Variants in NLGN1 observed in about 807,000 individuals in gnomAD.
NLGN1 encodes the protein neuroligin 1, also known as neuroligin-1.
A neutral mutation model predicts 65.5 loss-of-function variants in NLGN1; 12 were observed. That is an observed-to-expected ratio of 0.18 (90% CI 0.12 to 0.30). The LOEUF (loss-of-function observed/expected upper bound fraction) is 0.30. NLGN1 is among the 10% of genes least tolerant of loss of function. The probability of loss-of-function intolerance (pLI) is 1.00; values close to 1 mark genes in which losing one functional copy is unlikely to be tolerated. For synonymous variants in NLGN1, 350 were observed against 359.5 expected (o/e 0.97, Z 0.30); for missense variants, 750 against 1,007.1 (o/e 0.74, Z 3.46).
At chr3:173,928,081 A>G (rs1743347328) in intron 4 of NLGN1, among the ~76,000 whole-genome samples, 1 of 152,204 alleles carries the variant, frequency 6.6e-6, no homozygotes, top group African/African-American at 2.4e-5. Context: ...ACCATGACCA[A>G]AAAGAGTTAT....
At chr3:173,539,657 G>GTATATATGCACATATATAACATACATATA (rs1362050556) in intron 2 of NLGN1, among the ~76,000 whole-genome samples, 3 of 124,272 alleles carry the variant, frequency 2.4e-5, no homozygotes, top group Admixed American at 8.4e-5. Context: ...TATAACATAT[G>GTATATATGCACATATATAACATACATATA]TGTATATATG....
At chr3:174,257,771 A>T (rs1746068726) in intron 4 of NLGN1, among the ~76,000 whole-genome samples, 1 of 151,418 alleles carries the variant, frequency 6.6e-6, no homozygotes, top group Admixed American at 6.6e-5. Context: ...AATTACTAGA[A>T]TTTTTAAATA....
chr3:173,556,693 T>A (rs1207918580), intron 2 of NLGN1, among the ~76,000 whole-genome samples: 2 of 151,944 alleles, frequency 1.3e-5, no homozygotes, highest in Non-Finnish European at 2.9e-5. Context: ...TAGTCCTAGC[T>A]ACTAGGGAGG....
chr3:173,444,867 C>T (rs761049460), intron 2 of NLGN1, among the ~76,000 whole-genome samples: 8 of 151,988 alleles, frequency 5.3e-5, no homozygotes, highest in Non-Finnish European at 1.2e-4. Context: ...TACTCACACA[C>T]ATATATTACA....
intron 2 of NLGN1, among the ~76,000 whole-genome samples, chr3:173,562,148 G>T (rs897781585): frequency 1.3e-5 from 2 of 152,222 alleles, no homozygotes; most frequent in African/African-American, 4.8e-5. Flanking sequence ...AAGGCAGCAC[G>T]TTTGACCAGA....
At chr3:173,445,189 A>C (rs2148815333) in intron 2 of NLGN1, among the ~76,000 whole-genome samples, 1 of 142,440 alleles carries the variant, frequency 7.0e-6, no homozygotes, top group South Asian at 2.3e-4. Context: ...AATGGCGTGA[A>C]CCCGGGAGGC....
In NLGN1 at chr3:174,134,534, G is replaced by A. The variant is rs114587743; in HGVS notation, c.647-140781G>A. Among the ~76,000 whole-genome samples, 405 of 152,206 alleles carry A rather than the reference G, an allele frequency of 2.7e-3. 3 individuals carry two copies. Among genetic ancestry groups the A allele is most frequent in the African/African-American group, 9.4e-3 (390 of 41,534 alleles). On this transcript the variant is annotated intron_variant, in intron 4 of 6. Transcript: ENST00000457714. ...GAATGAGATATACTGTCCCCTTCCA[G>A]ACTTTATACTGAAGGACTAAGAAAC... is the stretch of plus-strand genomic sequence containing the variant.
intron 4 of NLGN1, among the ~76,000 whole-genome samples, chr3:174,197,854 A>G (rs1733765159): frequency 6.6e-6 from 1 of 152,014 alleles, no homozygotes; most frequent in East Asian, 1.9e-4. Flanking sequence ...TTATAACAGT[A>G]ACACATATTT....
intron 4 of NLGN1, among the ~76,000 whole-genome samples, chr3:174,100,810 A>G (rs1374560172): frequency 6.6e-6 from 1 of 151,422 alleles, no homozygotes; most frequent in Non-Finnish European, 1.5e-5. Flanking sequence ...TAAAGTGACC[A>G]TTTTTTTTCT....
chr3:173,917,613 T>C (rs533704042), intron 4 of NLGN1, among the ~76,000 whole-genome samples: 5 of 152,296 alleles, frequency 3.3e-5, no homozygotes, highest in African/African-American at 1.2e-4. Context: ...TTCTAAGCCC[T>C]GACCTAGAAT....
At chr3:174,024,154 A>C (rs1382406009) in intron 4 of NLGN1, among the ~76,000 whole-genome samples, 5 of 151,640 alleles carry the variant, frequency 3.3e-5, no homozygotes, top group South Asian at 4.2e-4. Flanking sequence ...AAAAAAAAAA[A>C]AAAAAAAAAA....
At chr3:173,410,057 T>A (rs531209135) in intron 1 of NLGN1, among the ~76,000 whole-genome samples, 1 of 152,286 alleles carries the variant, frequency 6.6e-6, no homozygotes, top group African/African-American at 2.4e-5. Flanking sequence ...GCTTAATAGG[T>A]GGTACTGCTG....
intron 2 of NLGN1, among the ~76,000 whole-genome samples, chr3:173,520,704 A>G (rs1158052222): frequency 6.6e-6 from 1 of 152,226 alleles, no homozygotes; most frequent in African/African-American, 2.4e-5. Flanking sequence ...GAGACTAAAA[A>G]CTTAGTTTTT....
Position 173,853,861 on chromosome 3 carries a change from G to T in NLGN1, c.646+46029G>T, listed in dbSNP as rs146098882. Among the ~76,000 whole-genome samples the T allele has an allele frequency of 3.1e-3, 467 of 151,792 alleles. 3 individuals carry two copies. Among genetic ancestry groups the T allele is most frequent in the Middle Eastern group, 6.8e-3 (2 of 292 alleles). On this transcript the variant is annotated intron_variant, in intron 4 of 6. Transcript: ENST00000457714. ...CAGTAATAAAAACAGTATCTTTTTT[G>T]AGTTAAAATTAAAATTAATATGATT...
intron 3 of NLGN1, among the ~76,000 whole-genome samples, chr3:173,656,322 A>G (rs1290925530): frequency 2.0e-5 from 3 of 152,150 alleles, no homozygotes; most frequent in Non-Finnish European, 4.4e-5. Context: ...TAAGTTAATT[A>G]GAGCTCATAA....
At chr3:173,467,774 T>G (rs183287236) in intron 2 of NLGN1, among the ~76,000 whole-genome samples, 1 of 152,236 alleles carries the variant, frequency 6.6e-6, no homozygotes, top group Admixed American at 6.5e-5. Context: ...TCATTCACAT[T>G]TCAGTGTGAG....
chr3:174,112,122 A>G (rs911904979), intron 4 of NLGN1, among the ~76,000 whole-genome samples: 3 of 151,964 alleles, frequency 2.0e-5, no homozygotes, highest in Non-Finnish European at 4.4e-5. Context: ...ATATAGAGGC[A>G]GTTGGCACTA....
intron 3 of NLGN1, among the ~76,000 whole-genome samples, chr3:173,682,721 G>A (rs577235366): frequency 1.1e-4 from 16 of 151,986 alleles, no homozygotes; most frequent in Non-Finnish European, 2.2e-4. Context: ...TCAGACCTTG[G>A]CGATGACCTT....
chr3:173,944,124 G>GGTGTGTGTGTGTGTGTGT lies in NLGN1; in HGVS notation c.646+136313_646+136330dup, dbSNP rs1553897255. Among the ~76,000 whole-genome samples, 3 of 139,512 alleles carry GGTGTGTGTGTGTGTGTGT rather than the reference G, an allele frequency of 2.2e-5. No individual in the cohort carries two copies. The South Asian group carries it at 6.9e-4, about 32-fold the overall frequency. 91.5% of individuals were successfully genotyped at this position (139,512 alleles called of 152,430 possible). On this transcript the variant is annotated intron_variant, in intron 4 of 6. Transcript: ENST00000457714. ...TTTTAAATGTCCAGTTAATATTATG[G>GGTGTGTGTGTGTGTGTGT]GTGTGTGTGTGTGTGTGTGTGTGTG...
Sources: gnomAD v4.1 joint callset for allele counts (sites outside exome capture counted in the v4.1 genomes callset) on GRCh38, gnomAD v4.1.1 for gene constraint, MANE v1.5 for transcripts, NCBI Gene and HGNC (gene_info 2026-07-23, HGNC 2026-07-21) for gene names.